ITCH: variants seen among roughly 807,000 people sequenced by gnomAD.
The protein encoded by ITCH is E3 ubiquitin-protein ligase Itchy homolog.
In ITCH, 28 loss-of-function variants were observed where a neutral mutation model predicts 126.8. The observed-to-expected ratio is 0.22, with a 90% CI of 0.16 to 0.30. The LOEUF (loss-of-function observed/expected upper bound fraction) is 0.30, where lower values mean the gene tolerates loss of function less well. Ranked by LOEUF, ITCH falls within the 10% of genes least tolerant of loss-of-function variation. The pLI is 1.00. For missense variants in ITCH, 631 were observed against 1,032.4 expected, an observed-to-expected ratio of 0.61 and a Z score of 5.33; for synonymous variants, 342 against 340.0, an observed-to-expected ratio of 1.01 and a Z score of -0.06.
At chr20:34,501,314 G>A (rs1303617987) in intron 23 of ITCH, among the ~76,000 whole-genome samples, 1 of 152,094 alleles carries the variant, frequency 6.6e-6, no homozygotes, top group African/African-American at 2.4e-5. Flanking sequence ...AGCCTTAACT[G>A]TAATATAAGG....
intron 23 of ITCH, among the ~76,000 whole-genome samples, chr20:34,503,886 T>TG (rs1569012983): frequency 9.3e-5 from 9 of 96,948 alleles, no homozygotes; most frequent in South Asian, 3.3e-4. Context: ...TTTTTTTTGG[T>TG]TTTTTTTTTT....
At chr20:34,401,571 G>A (rs2038885366) in intron 3 of ITCH, 1 of 826,598 alleles carries the variant, frequency 1.2e-6, no homozygotes. Flanking sequence ...TCTAAAAGGA[G>A]TATGTTATTA....
intron 1 of ITCH, among the ~76,000 whole-genome samples, chr20:34,368,142 C>T (rs1272701667): frequency 2.0e-5 from 3 of 152,002 alleles, no homozygotes; most frequent in Admixed American, 6.6e-5. Flanking sequence ...TGGTGGCATG[C>T]ACCTGTAGTA....
chr20:34,388,413 C>T (rs1240900046), intron 2 of ITCH, among the ~76,000 whole-genome samples: 1 of 151,798 alleles, frequency 6.6e-6, no homozygotes, highest in Non-Finnish European at 1.5e-5. Context: ...GAGATGAGGT[C>T]TTGCTCTGTC....
intron 23 of ITCH, among the ~76,000 whole-genome samples, chr20:34,501,013 G>A (rs775102080): frequency 1.3e-5 from 2 of 152,184 alleles, no homozygotes; most frequent in Non-Finnish European, 2.9e-5. Context: ...GTTTTGCTGG[G>A]TATAGTAATC....
chr20:34,490,399 G>A (rs1015113442), intron 22 of ITCH, among the ~76,000 whole-genome samples: 11 of 152,104 alleles, frequency 7.2e-5, no homozygotes, highest in Admixed American at 5.2e-4. Context: ...GGCTGGGTGC[G>A]GTGGCTCACA....
intron 2 of ITCH, among the ~76,000 whole-genome samples, chr20:34,375,199 G>A (rs1250982651): frequency 5.9e-5 from 9 of 151,682 alleles, no homozygotes; most frequent in African/African-American, 1.7e-4. Context: ...GTGCCACCAC[G>A]CCTGGCTAAT....
chr20:34,402,546 A>G (rs2038924236), intron 3 of ITCH: 1 of 733,896 alleles, frequency 1.4e-6, no homozygotes, highest in Non-Finnish European at 2.6e-6. Flanking sequence ...GCTCTGCAGT[A>G]TCAAAAAGTC....
chr20:34,380,954 A>G (rs553888052), intron 2 of ITCH, among the ~76,000 whole-genome samples: 6 of 151,564 alleles, frequency 4.0e-5, no homozygotes, highest in Non-Finnish European at 7.4e-5. Flanking sequence ...CACCTGGGTA[A>G]TTTTTGTATT....
chr20:34,379,593 CCTT>C (rs2037973169), intron 2 of ITCH, among the ~76,000 whole-genome samples: 1 of 148,788 alleles, frequency 6.7e-6, no homozygotes. Flanking sequence ...CAATATTTGT[CCTT>C]TTTTTTTTTT....
chr20:34,368,985 G>C (rs1386841454), intron 1 of ITCH, among the ~76,000 whole-genome samples: 1 of 152,152 alleles, frequency 6.6e-6, no homozygotes, highest in East Asian at 1.9e-4. Context: ...ATTTTTAAAA[G>C]AGACTTTGTG....
intron 9 of ITCH, among the ~76,000 whole-genome samples, chr20:34,440,879 A>C (rs1983662047): frequency 6.6e-6 from 1 of 152,354 alleles, no homozygotes; most frequent in African/African-American, 2.4e-5. Flanking sequence ...CTGAAAGTTA[A>C]CCAAGGCCAA....
intron 13 of ITCH, among the ~76,000 whole-genome samples, chr20:34,459,512 A>AGT (rs1986318200): frequency 6.6e-6 from 1 of 152,204 alleles, no homozygotes; most frequent in Non-Finnish European, 1.5e-5. Context: ...CAGGCAAACA[A>AGT]AGATATTCCC....
intron 2 of ITCH, among the ~76,000 whole-genome samples, chr20:34,391,601 A>G (rs1221195942): frequency 6.6e-6 from 1 of 152,138 alleles, no homozygotes; most frequent in Non-Finnish European, 1.5e-5. Flanking sequence ...AATTTTTTTG[A>G]TATTATACAA....
intron 12 of ITCH, among the ~76,000 whole-genome samples, chr20:34,456,158 T>TTGTGTGTGTGTG (rs1161624865): frequency 4.2e-5 from 2 of 47,714 alleles, no homozygotes; most frequent in African/African-American, 1.7e-4. Flanking sequence ...TTTTTATATA[T>TTGTGTGTGTGTG]TGTGTGTGTG....
chr20:34,432,753 C>T (rs1350113015), intron 7 of ITCH, among the ~76,000 whole-genome samples: 1 of 150,962 alleles, frequency 6.6e-6, no homozygotes, highest in African/African-American at 2.4e-5. Context: ...TCCAGGAGTT[C>T]GAGACCAGCC....
chr20:34,459,166 C>G (rs545393302), intron 13 of ITCH, among the ~76,000 whole-genome samples: 2 of 152,280 alleles, frequency 1.3e-5, no homozygotes, highest in African/African-American at 4.8e-5. Context: ...GTACTGAGAA[C>G]TCATTGAAAC....
chr20:34,456,209 TATA>T (rs1389048076), intron 12 of ITCH, among the ~76,000 whole-genome samples: 46 of 36,286 alleles, frequency 1.3e-3, no homozygotes, highest in African/African-American at 4.7e-3. Context: ...TATATATATA[TATA>T]TATTTTTTTT....
chr20:34,468,529 G>A (rs1220198583), intron 14 of ITCH, among the ~76,000 whole-genome samples: 2 of 151,334 alleles, frequency 1.3e-5, no homozygotes, highest in African/African-American at 2.4e-5. Context: ...GGTGGCTCAC[G>A]CCTGTAATCC....
Sources: gnomAD v4.1 joint callset for allele counts (sites outside exome capture counted in the v4.1 genomes callset) on GRCh38, gnomAD v4.1.1 for gene constraint, MANE v1.5 for transcripts, NCBI Gene and HGNC (gene_info 2026-07-23, HGNC 2026-07-21) for gene names.